Variants in ARID1A observed in about 807,000 individuals in gnomAD.
ARID1A encodes AT-rich interaction domain 1A, also known as AT-rich interactive domain-containing protein 1A.
In ARID1A, 20 loss-of-function variants were observed where a neutral mutation model predicts 212.6. That is an observed-to-expected ratio of 0.09 (90% CI 0.07 to 0.14). ARID1A has a LOEUF of 0.14. Ranked by LOEUF, ARID1A falls within the 10% of genes least tolerant of loss-of-function variation. ARID1A has a pLI of 1.00. For synonymous variants in ARID1A, 1,376 were observed against 1,222.1 expected (o/e 1.13, Z -2.63); for missense variants, 2,587 against 3,059.0 (o/e 0.85, Z 3.64).
intron 4 of ARID1A, among the ~76,000 whole-genome samples, chr1:26,736,497 C>T (rs537687278): frequency 1.1e-3 from 167 of 150,882 alleles, no homozygotes; most frequent in African/African-American, 3.8e-3. Flanking sequence ...GGCGTGGTGG[C>T]GGGCACCTGT....
rs1377764389 is a variant in ARID1A at position 26,772,810 on chromosome 1, A to T, written c.3540-2A>T. 1 of 1,613,138 alleles carries T rather than the reference A, an allele frequency of 6.2e-7. No individual in the cohort carries two copies. The highest frequency in any genetic ancestry group is 8.5e-7 in the Non-Finnish European group (1 of 1,179,252). ...GTTTACTTGGTTTTCCTCACTCTGG[A>T]GCAGGAGCAATTCAGTTGGGATCCA... On this transcript the variant is annotated splice_acceptor_variant, in intron 13 of 19. Transcript: ENST00000324856. LOFTEE classifies it high-confidence loss of function.
In ARID1A at chr1:26,763,254, A is replaced by G. The variant is rs2081009312; in HGVS notation, c.2701A>G (p.Met901Val). ...GAAAACCCAAGAAACTGCTGTCGCC[A>G]TGCATGTTGCTGCCAACTCTATCCA... ...NRKTQETAVAMHVAANSIQNR... is the reference protein window; with the variant it reads ...NRKTQETAVAVHVAANSIQNR... The change falls in exon 8 of 20, where the codon ATG (methionine) becomes GTG (valine). Residue 901 changes from methionine to valine, a missense_variant. Met to Val is a conservative substitution (Grantham distance 21, BLOSUM62 1). Transcript: ENST00000324856. The G allele has an allele frequency of 6.2e-7, 1 of 1,611,032 alleles. No homozygotes were observed. Among genetic ancestry groups the G allele is most frequent in the Non-Finnish European group, 8.5e-7 (1 of 1,177,738 alleles).
At chr1:26,773,078 T>G (rs1156386494) in intron 14 of ARID1A, 91 bp downstream of exon 14, 2 of 1,495,368 alleles carry the variant, frequency 1.3e-6, no homozygotes, top group Non-Finnish European at 9.1e-7. Flanking sequence ...AGGGTTCTTG[T>G]GGAGCCATCC....
intron 4 of ARID1A, among the ~76,000 whole-genome samples, chr1:26,747,332 C>T (rs1230852606): frequency 6.6e-6 from 1 of 152,210 alleles, no homozygotes; most frequent in Non-Finnish European, 1.5e-5. Flanking sequence ...TGCTAGCTTC[C>T]TTCCCATTTG....
chr1:26,718,726 A>G (rs1172472039), intron 1 of ARID1A, among the ~76,000 whole-genome samples: 1 of 152,210 alleles, frequency 6.6e-6, no homozygotes. Context: ...AAAAGTGTAC[A>G]CATTCAGTAC....
At chr1:26,740,700 C>T (rs1181880055) in intron 4 of ARID1A, among the ~76,000 whole-genome samples, 1 of 152,146 alleles carries the variant, frequency 6.6e-6, no homozygotes, top group African/African-American at 2.4e-5. Context: ...CAAAAATGAT[C>T]CATTAGTTTG....
intron 1 of ARID1A, among the ~76,000 whole-genome samples, chr1:26,701,693 TA>T (rs1170499622): frequency 2.6e-5 from 4 of 152,314 alleles, no homozygotes; most frequent in African/African-American, 9.6e-5. Context: ...TTTCTGTACA[TA>T]AATCAGGGGT....
chr1:26,731,865 A>T (rs1466158598), intron 3 of ARID1A, among the ~76,000 whole-genome samples: 1 of 152,196 alleles, frequency 6.6e-6, no homozygotes, highest in Non-Finnish European at 1.5e-5. Flanking sequence ...ATTAAAGATA[A>T]TGGGACTGGT....
chr1:26,753,275 TG>T (rs1275612067), intron 4 of ARID1A: 4 of 152,334 alleles, frequency 2.6e-5, no homozygotes, highest in African/African-American at 9.6e-5. Flanking sequence ...ATGGTTTTGT[TG>T]TGGTGTGAAG....
At position 26,696,197 on chromosome 1, in the gene ARID1A, T is replaced by A. The variant is rs1216505930; in HGVS notation, c.-207T>A. On this transcript the variant is annotated 5_prime_UTR_variant, in exon 1 of 20. Coordinates refer to ENST00000324856, the MANE Select transcript of ARID1A (RefSeq NM_006015.6). The stretch of plus-strand genomic sequence containing the variant: ...CGGCGCCTCGGCCGCCGCCGCCGCC[T>A]CCTCCTCCTCCGCCGCCGCCAGCCC... 1.6e-5 allele frequency: 9 copies of A among 577,412 alleles called. No individual in the cohort carries two copies. Among genetic ancestry groups the A allele is most frequent in the Non-Finnish European group, 1.9e-5 (8 of 429,448 alleles). The allele number at this position is 577,412 out of a possible 1,614,324, so 35.8% of individuals were successfully genotyped here. A position where few individuals can be genotyped will look rare whatever the true frequency, so the allele number is the denominator to read the frequency against.
intron 1 of ARID1A, among the ~76,000 whole-genome samples, chr1:26,705,845 C>G (rs1324075684): frequency 6.6e-6 from 1 of 152,162 alleles, no homozygotes; most frequent in East Asian, 1.9e-4. Flanking sequence ...TATCTTGGGA[C>G]AGGTTGAGTC....
At chr1:26,702,069 G>A (rs1335361372) in intron 1 of ARID1A, among the ~76,000 whole-genome samples, 1 of 152,166 alleles carries the variant, frequency 6.6e-6, no homozygotes, top group Non-Finnish European at 1.5e-5. Context: ...GGGAGAGAGA[G>A]GGAGCATTAA....
intron 1 of ARID1A, among the ~76,000 whole-genome samples, chr1:26,704,417 T>A (rs1241743074): frequency 6.6e-6 from 1 of 152,144 alleles, no homozygotes; most frequent in Non-Finnish European, 1.5e-5. Flanking sequence ...GAAGTAAGTA[T>A]CTGTTGGGAC....
At chr1:26,722,138 T>C (rs1278797574) in intron 1 of ARID1A, among the ~76,000 whole-genome samples, 1 of 152,200 alleles carries the variant, frequency 6.6e-6, no homozygotes, top group Non-Finnish European at 1.5e-5. Context: ...CTTCAGGGGA[T>C]ATCATTGGAA....
intron 1 of ARID1A, among the ~76,000 whole-genome samples, chr1:26,717,592 G>T (rs2124771072): frequency 6.6e-6 from 1 of 152,304 alleles, no homozygotes; most frequent in African/African-American, 2.4e-5. Flanking sequence ...AAGCTCTACT[G>T]CCAGAAACTT....
At chr1:26,710,490 T>TAC (rs1291075615) in intron 1 of ARID1A, among the ~76,000 whole-genome samples, 35 of 9,706 alleles carry the variant, frequency 3.6e-3, no homozygotes, top group African/African-American at 9.4e-3. Flanking sequence ...AATAAAATAA[T>TAC]ACATACACAC....
rs199673862 is a variant in ARID1A at position 26,773,485 on chromosome 1, T to C, written c.3855T>C (p.Tyr1285=). ...AGCACTATCCCTATGGAGGTCCTTA[T>C]GACAGAGTGAGGTAAGCATGACCCC... ...PRQHYPYGGP[Y]DRVRTEPGIG... Residue 1285 remains tyrosine (Y), a synonymous_variant, in exon 15 of 20, where the codon TAT becomes TAC. Coordinates refer to ENST00000324856, the MANE Select transcript of ARID1A (RefSeq NM_006015.6). 1.8e-5 allele frequency: 29 copies of C among 1,612,918 alleles called. No homozygotes were observed. Among genetic ancestry groups the C allele is most frequent in the Non-Finnish European group, 2.4e-5 (28 of 1,179,262 alleles).
intron 4 of ARID1A, among the ~76,000 whole-genome samples, chr1:26,754,404 G>T (rs992741390): frequency 6.6e-6 from 1 of 152,156 alleles, no homozygotes; most frequent in Non-Finnish European, 1.5e-5. Context: ...GGACTGGTGG[G>T]TATGTCTTAG....
chr1:26,730,743 T>G (rs891139179), intron 2 of ARID1A, among the ~76,000 whole-genome samples: 2 of 152,222 alleles, frequency 1.3e-5, no homozygotes, highest in Non-Finnish European at 2.9e-5. Flanking sequence ...CTGTCTGAAT[T>G]ACTAAACCTT....
Sources: allele counts gnomAD v4.1 joint callset (sites outside exome capture counted in the v4.1 genomes callset), GRCh38; gene constraint gnomAD v4.1.1; transcripts MANE v1.5; gene names NCBI Gene and HGNC (gene_info 2026-07-23, HGNC 2026-07-21).